Variants in GLIS3 observed in about 807,000 individuals in gnomAD.
The protein encoded by GLIS3 is GLIS family zinc finger 3, also known as zinc finger protein GLIS3.
GLIS3 carries 53 observed loss-of-function variants against 78.6 expected under a neutral mutation model. That is an observed-to-expected ratio of 0.67 (90% CI 0.54 to 0.85). The LOEUF (loss-of-function observed/expected upper bound fraction) is 0.85. GLIS3 is among the 40% of genes least tolerant of loss of function. The pLI, the probability that GLIS3 is intolerant of heterozygous loss-of-function variation, is 0.00. For missense variants in GLIS3, 1,703 were observed against 1,231.1 expected (o/e 1.38, Z -5.74); for synonymous variants, 684 against 509.9 (o/e 1.34, Z -4.60).
intron 7 of GLIS3, among the ~76,000 whole-genome samples, chr9:3,892,204 C>T (rs1822506363): frequency 6.6e-6 from 1 of 151,894 alleles, no homozygotes; most frequent in Non-Finnish European, 1.5e-5. Flanking sequence ...GTCTCAGGAG[C>T]AAACCCAGGT....
At chr9:4,354,987 G>A in the GLIS3 span, among the ~76,000 whole-genome samples, 1 of 151,924 alleles carries the variant, frequency 6.6e-6, no homozygotes, top group African/African-American at 2.4e-5. Context: ...GTGGTGGCGG[G>A]TGCCTGTAGT....
In GLIS3 at chr9:3,909,414, TGACCAATTTGCAAAGAG is replaced by T. The variant is rs574254782; in HGVS notation, c.1984-10596_1984-10580del. Among the ~76,000 whole-genome samples the T allele has an allele frequency of 3.3e-5, 5 of 152,314 alleles. No homozygotes were observed. The South Asian group carries it at 1.0e-3, about 32-fold the overall frequency. On this transcript the variant is annotated intron_variant, in intron 6 of 10. Coordinates refer to ENST00000381971, the MANE Select transcript of GLIS3 (RefSeq NM_001042413.2). ...CTATCAAATTCATTTCCTTTAGGAA[TGACCAATTTGCAAAGAG>T]GACCAATTTGCAAAGAGAAATGAGA...
At chr9:4,280,752 CTCT>C (rs1563889933) in intron 2 of GLIS3, among the ~76,000 whole-genome samples, 1 of 151,904 alleles carries the variant, frequency 6.6e-6, no homozygotes, top group Non-Finnish European at 1.5e-5. Context: ...TTCCTCCTCA[CTCT>C]TCTCAGAAGG....
At chr9:4,143,794 G>T (rs941201344) in intron 2 of GLIS3, among the ~76,000 whole-genome samples, 3 of 152,090 alleles carry the variant, frequency 2.0e-5, no homozygotes, top group African/African-American at 7.2e-5. Flanking sequence ...CAGCATTTTG[G>T]ATTCCACACC....
chr9:3,868,188 G>A (rs967860173), intron 8 of GLIS3, among the ~76,000 whole-genome samples: 1 of 152,206 alleles, frequency 6.6e-6, no homozygotes, highest in African/African-American at 2.4e-5. Context: ...ATTTGCATCA[G>A]TGACCACAGA....
chr9:4,091,290 C>T (rs142139242), intron 4 of GLIS3, among the ~76,000 whole-genome samples: 320 of 152,004 alleles, frequency 2.1e-3, no homozygotes, highest in African/African-American at 7.4e-3. Flanking sequence ...TCTCTTGAGC[C>T]TGGGAGTTCG....
the GLIS3 span, among the ~76,000 whole-genome samples, chr9:4,444,043 GA>G: frequency 6.6e-6 from 1 of 152,036 alleles, no homozygotes; most frequent in Non-Finnish European, 1.5e-5. Flanking sequence ...AGGCACCCCA[GA>G]AAAAAATAAG....
chr9:4,364,407 T>A, the GLIS3 span, among the ~76,000 whole-genome samples: 1 of 152,170 alleles, frequency 6.6e-6, no homozygotes, highest in Non-Finnish European at 1.5e-5. Context: ...GTGTGAACAG[T>A]TTCATTAATA....
intron 4 of GLIS3, among the ~76,000 whole-genome samples, chr9:3,988,444 G>C (rs1819948651): frequency 6.6e-6 from 1 of 152,114 alleles, no homozygotes; most frequent in Non-Finnish European, 1.5e-5. Context: ...GAAAGGTAAA[G>C]AAACCTAAAT....
chr9:4,315,340 C>T (rs1817421497), intron 2 of GLIS3, among the ~76,000 whole-genome samples: 1 of 152,136 alleles, frequency 6.6e-6, no homozygotes, highest in African/African-American at 2.4e-5. Flanking sequence ...GAATGGTTTG[C>T]CGGGAGACTC....
intron 2 of GLIS3, among the ~76,000 whole-genome samples, chr9:4,233,879 T>A (rs1435220175): frequency 6.6e-6 from 1 of 152,232 alleles, no homozygotes; most frequent in Non-Finnish European, 1.5e-5. Context: ...GAGAACTTGC[T>A]GCAGCTCCTA....
the GLIS3 span, among the ~76,000 whole-genome samples, chr9:4,386,958 C>G: frequency 5.9e-5 from 9 of 152,274 alleles, no homozygotes; most frequent in East Asian, 9.7e-4. Flanking sequence ...GATCACAGAA[C>G]TCTCACCCTA....
chr9:4,210,098 GTATT>G (rs1193612590), intron 2 of GLIS3, among the ~76,000 whole-genome samples: 1 of 152,174 alleles, frequency 6.6e-6, no homozygotes, highest in African/African-American at 2.4e-5. Flanking sequence ...ACCCCATTGA[GTATT>G]TACTGAATAA....
At chr9:4,431,343 G>A in the GLIS3 span, among the ~76,000 whole-genome samples, 1 of 152,318 alleles carries the variant, frequency 6.6e-6, no homozygotes, top group African/African-American at 2.4e-5. Flanking sequence ...GTGAAGCCAG[G>A]CTACCTACTG....
chr9:3,855,822 C>A (rs1190696008), intron 9 of GLIS3, 187 bp downstream of exon 9: 16 of 670,858 alleles, frequency 2.4e-5, no homozygotes, highest in Non-Finnish European at 4.2e-5. Flanking sequence ...ATACCATCAT[C>A]AGGCCAAAGT....
chr9:4,424,957 C>T, the GLIS3 span, among the ~76,000 whole-genome samples: 1 of 151,882 alleles, frequency 6.6e-6, no homozygotes, highest in African/African-American at 2.4e-5. Flanking sequence ...TGTAAACAGG[C>T]TGAAACTTGA....
At chr9:4,307,733 A>G (rs10739044) in intron 4 of GLIS3, among the ~76,000 whole-genome samples, 140,525 of 152,212 alleles carry the variant, frequency 0.92, 64,958 homozygotes, top group African/African-American at 0.94. Flanking sequence ...AGCATAGAGA[A>G]ACTATGTTAC....
chr9:3,890,403 G>A (rs962169814), intron 7 of GLIS3, among the ~76,000 whole-genome samples: 1 of 152,112 alleles, frequency 6.6e-6, no homozygotes, highest in Non-Finnish European at 1.5e-5. Flanking sequence ...CTACCAAGTA[G>A]TAGCACCCAG....
At chr9:4,355,927 G>T in the GLIS3 span, among the ~76,000 whole-genome samples, 7 of 152,164 alleles carry the variant, frequency 4.6e-5, no homozygotes, top group African/African-American at 1.7e-4. Flanking sequence ...CATGCGTTTG[G>T]TATGGTTACA....
Sources: allele counts gnomAD v4.1 joint callset (sites outside exome capture counted in the v4.1 genomes callset), GRCh38; gene constraint gnomAD v4.1.1; transcripts MANE v1.5; gene names NCBI Gene and HGNC (gene_info 2026-07-23, HGNC 2026-07-21).